The following SLC39A10 variants were observed in gnomAD, a reference collection of about 807,000 sequenced individuals.
SLC39A10 encodes the protein zinc transporter ZIP10.
In SLC39A10, 13 loss-of-function variants were observed where a neutral mutation model predicts 65.1. The ratio of observed to expected loss-of-function variants is 0.20; its 90% CI spans 0.13 to 0.32. The LOEUF (loss-of-function observed/expected upper bound fraction) is 0.32. SLC39A10 is among the 10% of genes least tolerant of loss of function. SLC39A10 has a pLI of 1.00. For synonymous variants in SLC39A10, 321 were observed against 342.2 expected (o/e 0.94, Z 0.68); for missense variants, 831 against 1,018.4 (o/e 0.82, Z 2.50).
chr2:195,685,313 T>C (rs1181650863), intron 3 of SLC39A10, among the ~76,000 whole-genome samples: 4 of 152,190 alleles, frequency 2.6e-5, no homozygotes, highest in Non-Finnish European at 5.9e-5. Flanking sequence ...TATTTAATAC[T>C]TTGTATTTTA....
chr2:195,662,563 C>T (rs1237412934), intron 1 of SLC39A10, among the ~76,000 whole-genome samples: 5 of 152,034 alleles, frequency 3.3e-5, no homozygotes, highest in Admixed American at 1.3e-4. Context: ...CATGAGCCAC[C>T]GTGCCCAGCC....
At chr2:195,678,829 A>G (rs1690194879) in intron 1 of SLC39A10, among the ~76,000 whole-genome samples, 1 of 152,090 alleles carries the variant, frequency 6.6e-6, no homozygotes, top group Non-Finnish European at 1.5e-5. Context: ...ATATTTTAAT[A>G]ATTTTTATAT....
intron 2 of SLC39A10, among the ~76,000 whole-genome samples, chr2:195,617,608 C>T (rs188940716): frequency 9.0e-4 from 136 of 151,644 alleles, no homozygotes; most frequent in African/African-American, 2.8e-3. Flanking sequence ...TGGTGGCTCA[C>T]GCCTGTAAGT....
intron 2 of SLC39A10, among the ~76,000 whole-genome samples, chr2:195,629,116 C>A (rs938058682): frequency 6.6e-6 from 1 of 152,208 alleles, no homozygotes; most frequent in South Asian, 2.1e-4. Context: ...TTGCCGGGCA[C>A]GGTGGCTTAC....
intron 8 of SLC39A10, among the ~76,000 whole-genome samples, chr2:195,724,064 T>C (rs1372652313): frequency 6.6e-6 from 1 of 152,186 alleles, no homozygotes; most frequent in Non-Finnish European, 1.5e-5. Flanking sequence ...CACAGGAAAT[T>C]GAACATTCAT....
chr2:195,716,574 T>TAGGTC, intron 6 of SLC39A10, 63 bp from the exon 7 acceptor site: 1 of 927,366 alleles, frequency 1.1e-6, no homozygotes, highest in Non-Finnish European at 1.6e-6. Context: ...GCTATTCTGT[T>TAGGTC]TAAATTAGCA....
At chr2:195,699,892 C>T (rs916864338) in intron 3 of SLC39A10, among the ~76,000 whole-genome samples, 6 of 152,050 alleles carry the variant, frequency 3.9e-5, no homozygotes, top group Admixed American at 6.6e-5. Flanking sequence ...TATTATCTCC[C>T]GTCAATTGTG....
At chr2:195,628,244 T>C (rs1688515139) in intron 2 of SLC39A10, among the ~76,000 whole-genome samples, 1 of 152,152 alleles carries the variant, frequency 6.6e-6, no homozygotes, top group Non-Finnish European at 1.5e-5. Context: ...TCCAAAAACA[T>C]TCATATATCA....
intron 1 of SLC39A10, chr2:195,657,693 C>G (rs570787296): frequency 1.1e-6 from 1 of 945,442 alleles, no homozygotes; most frequent in Non-Finnish European, 1.3e-6. Context: ...GCGCGCCGGC[C>G]GCGGATGGCG....
At chr2:195,701,323 C>G (rs1319860754) in intron 3 of SLC39A10, among the ~76,000 whole-genome samples, 1 of 123,990 alleles carries the variant, frequency 8.1e-6, no homozygotes, top group Non-Finnish European at 1.7e-5. Context: ...TTTGTTTATA[C>G]ATTATCTTCT....
intron 2 of SLC39A10, among the ~76,000 whole-genome samples, chr2:195,621,631 G>A (rs1662216988): frequency 1.3e-5 from 2 of 152,286 alleles, no homozygotes; most frequent in South Asian, 4.1e-4. Context: ...GTGGCAGAAG[G>A]TAGAATTAGG....
At chr2:195,683,644 G>T in intron 2 of SLC39A10, 55 bp from the exon 3 acceptor site, 8 of 1,347,934 alleles carry the variant, frequency 5.9e-6, no homozygotes, top group Admixed American at 3.9e-5. Context: ...TTATTTTTTT[G>T]CATAATCTCC....
chr2:195,712,530 A>C (rs1691638456), intron 5 of SLC39A10, among the ~76,000 whole-genome samples: 1 of 152,234 alleles, frequency 6.6e-6, no homozygotes, highest in South Asian at 2.1e-4. Flanking sequence ...CAGCAACAAA[A>C]AAATGCCATG....
intron 1 of SLC39A10, chr2:195,657,603 T>A: frequency 1.0e-6 from 1 of 985,196 alleles, no homozygotes; most frequent in Non-Finnish European, 1.2e-6. Context: ...CTCACCTTCC[T>A]GTGGAGGTTG....
At chr2:195,614,808 CT>C (rs2105679599) in intron 2 of SLC39A10, among the ~76,000 whole-genome samples, 1 of 152,086 alleles carries the variant, frequency 6.6e-6, no homozygotes, top group East Asian at 1.9e-4. Context: ...TATCCTGGCA[CT>C]TTGGGAGGCT....
chr2:195,680,130 G>A lies in SLC39A10; in HGVS notation c.88G>A (p.Asp30Asn). 1 of 1,613,780 alleles carries A rather than the reference G, an allele frequency of 6.2e-7. No individual in the cohort carries two copies. The highest frequency in any genetic ancestry group is 8.5e-7 in the Non-Finnish European group (1 of 1,179,976). ...TTGCAACCATTGCCATGAAGAACAT[G>A]ACCATGGCCCTGAAGCGCTTCACAG... is the stretch of plus-strand genomic sequence containing the variant. Reference protein sequence around the residue: ...HHCNHCHEEHDHGPEALHRQH... With the variant: ...HHCNHCHEEHNHGPEALHRQH... The change falls in exon 2 of 10, where the codon GAC (aspartate) becomes AAC (asparagine). Residue 30 changes from aspartate to asparagine, a missense_variant. By Grantham distance (23) the Asp-to-Asn change is conservative. Coordinates refer to ENST00000359634, the MANE Select transcript of SLC39A10 (RefSeq NM_020342.3).
intron 2 of SLC39A10, among the ~76,000 whole-genome samples, chr2:195,636,220 C>T (rs377631099): frequency 1.7e-4 from 26 of 152,320 alleles, no homozygotes; most frequent in African/African-American, 6.3e-4. Flanking sequence ...AGACAACAGA[C>T]TAATGCAGAA....
At position 195,717,009 on chromosome 2, in the gene SLC39A10, A is replaced by G. The variant is rs1307336642; in HGVS notation, c.2065+4A>G. ...TTCAGTGATGGGCTCGCAATTGGTA[A>G]GTGGACTGGAAACCACTGTCTATGC... On this transcript the variant is annotated splice_donor_region_variant and intron_variant, in intron 7 of 9. Coordinates refer to ENST00000359634, the MANE Select transcript of SLC39A10 (RefSeq NM_020342.3). 3.7e-6 allele frequency: 6 copies of G among 1,611,590 alleles called. No individual in the cohort carries two copies. The Admixed American group carries it at 5.0e-5, about 13-fold the overall frequency.
At chr2:195,636,720 TCCAGCC>T (rs1262234111) in intron 2 of SLC39A10, among the ~76,000 whole-genome samples, 1 of 151,978 alleles carries the variant, frequency 6.6e-6, no homozygotes, top group Non-Finnish European at 1.5e-5. Flanking sequence ...GCCACTGCAC[TCCAGCC>T]TGGGCGACAG....
Sources: allele counts gnomAD v4.1 joint callset (sites outside exome capture counted in the v4.1 genomes callset), GRCh38; gene constraint gnomAD v4.1.1; transcripts MANE v1.5; gene names NCBI Gene and HGNC (gene_info 2026-07-23, HGNC 2026-07-21).